The following ETFA variants were observed in gnomAD, a reference collection of about 807,000 sequenced individuals.
The protein encoded by ETFA is electron transfer flavoprotein subunit alpha.
Under a neutral mutation model 46.2 loss-of-function variants are expected in ETFA, and 22 were observed. The ratio of observed to expected loss-of-function variants is 0.48; its 90% CI spans 0.34 to 0.68. ETFA has a LOEUF of 0.68. ETFA is among the 30% of genes least tolerant of loss of function. The probability of loss-of-function intolerance (pLI) is 0.01; values close to 1 mark genes in which losing one functional copy is unlikely to be tolerated. For missense variants in ETFA, 345 were observed against 401.1 expected (o/e 0.86, Z 1.19); for synonymous variants, 131 against 139.9 (o/e 0.94, Z 0.45).
intron 8 of ETFA, among the ~76,000 whole-genome samples, chr15:76,275,521 A>G (rs1221889114): frequency 6.6e-6 from 1 of 152,192 alleles, no homozygotes; most frequent in East Asian, 1.9e-4. Context: ...TGTAGACACC[A>G]TATAGTTGGG....
At chr15:76,308,599 T>A (rs2039959562) in intron 1 of ETFA, among the ~76,000 whole-genome samples, 1 of 152,064 alleles carries the variant, frequency 6.6e-6, no homozygotes, top group Non-Finnish European at 1.5e-5. Flanking sequence ...TACACCAATG[T>A]CATCAAACCC....
At chr15:76,218,249 T>C (rs1212315717) in intron 11 of ETFA, among the ~76,000 whole-genome samples, 1 of 152,238 alleles carries the variant, frequency 6.6e-6, no homozygotes, top group Non-Finnish European at 1.5e-5. Context: ...CTGTCTTTTT[T>C]TATTAGATCA....
At position 76,268,251 on chromosome 15, in the gene ETFA, G is replaced by A. The variant is rs1392868894; in HGVS notation, c.816+6161C>T. On this transcript the variant is annotated intron_variant, in intron 9 of 11. Coordinates refer to ENST00000557943, the MANE Select transcript of ETFA (RefSeq NM_000126.4). ...TAGATTTACTAATGTAGGGGTGAGG[G>A]TATGTTTGTACTTTTGCAGGAGATG... 2.0e-5 allele frequency among the ~76,000 whole-genome samples: 3 copies of A among 151,636 alleles called. No homozygotes were observed. The East Asian group carries it at 5.8e-4, about 30-fold the overall frequency.
chr15:76,260,713 T>C, intron 9 of ETFA: 1 of 1,605,578 alleles, frequency 6.2e-7, no homozygotes, highest in African/African-American at 1.3e-5. Context: ...TCTGTGTGGA[T>C]GGCATGGAGG....
At chr15:76,227,774 C>T in intron 10 of ETFA, 1 of 455,360 alleles carries the variant, frequency 2.2e-6, no homozygotes, top group Non-Finnish European at 4.4e-6. Flanking sequence ...TTTGATGTAG[C>T]CTGACTTAAA....
chr15:76,224,735 C>T (rs1369615112), intron 11 of ETFA, among the ~76,000 whole-genome samples: 1 of 152,192 alleles, frequency 6.6e-6, no homozygotes, highest in African/African-American at 2.4e-5. Flanking sequence ...AAACCCACTT[C>T]TCCTAGGGTT....
At chr15:76,261,389 A>T (rs922387299) in intron 9 of ETFA, 1 of 1,312,288 alleles carries the variant, frequency 7.6e-7, no homozygotes, top group Non-Finnish European at 1.1e-6. Context: ...CGCTCCACTG[A>T]CTTCAGGCTG....
chr15:76,255,439 T>C (rs1041639461), intron 9 of ETFA, among the ~76,000 whole-genome samples: 6 of 152,252 alleles, frequency 3.9e-5, no homozygotes, highest in Non-Finnish European at 7.3e-5. Context: ...TAGAGAAGTA[T>C]AGTTGCTGAG....
At position 76,225,535 on chromosome 15, in the gene ETFA, C is replaced by T. The variant is rs554753081; in HGVS notation, c.963+314G>A. Among the ~76,000 whole-genome samples, 374 of 152,150 alleles carry T rather than the reference C, an allele frequency of 2.5e-3. 1 individual carries two copies. Among genetic ancestry groups the T allele is most frequent in the African/African-American group, 8.5e-3 (351 of 41,518 alleles). ...CGATCTCCTGACCTCATGATCCGCCCGCCTCCGCCTCCCAAAGTGCTGGGA... is the reference window on the plus strand; with the variant it reads ...CGATCTCCTGACCTCATGATCCGCCTGCCTCCGCCTCCCAAAGTGCTGGGA... On this transcript the variant is annotated intron_variant, in intron 11 of 11. Transcript: ENST00000557943.
At chr15:76,274,342 C>T (rs1237793907) in intron 9 of ETFA, 70 bp downstream of exon 9, 1 of 1,171,648 alleles carries the variant, frequency 8.5e-7, no homozygotes, top group South Asian at 1.3e-5. Context: ...ACTGAGATCA[C>T]TGTTCAACAA....
chr15:76,302,953 C>T (rs1010220631), intron 1 of ETFA, among the ~76,000 whole-genome samples: 1 of 152,144 alleles, frequency 6.6e-6, no homozygotes, highest in Non-Finnish European at 1.5e-5. Context: ...GTAGCTAGGA[C>T]TACAGATGTG....
At chr15:76,288,029 C>T in intron 4 of ETFA, 84 bp from the exon 5 acceptor site, 1 of 870,474 alleles carries the variant, frequency 1.1e-6, no homozygotes, top group South Asian at 1.4e-5. Flanking sequence ...ATTCTAAATG[C>T]ATATTCTGTA....
chr15:76,308,189 A>G (rs963748396), intron 1 of ETFA, among the ~76,000 whole-genome samples: 4 of 152,258 alleles, frequency 2.6e-5, no homozygotes, highest in African/African-American at 9.6e-5. Context: ...CGAAGGTATC[A>G]TGGAAATAGA....
At chr15:76,222,104 A>G (rs1375938382) in intron 11 of ETFA, among the ~76,000 whole-genome samples, 1 of 151,774 alleles carries the variant, frequency 6.6e-6, no homozygotes, top group Non-Finnish European at 1.5e-5. Context: ...AAGCCAAAAT[A>G]GGTAATGCTA....
chr15:76,297,137 A>G (rs1051745672), intron 1 of ETFA, among the ~76,000 whole-genome samples: 1 of 152,324 alleles, frequency 6.6e-6, no homozygotes, highest in East Asian at 1.9e-4. Context: ...ATTTACCCAG[A>G]GCTGGAAACT....
At chr15:76,311,092 G>A (rs1403039615) in intron 1 of ETFA, among the ~76,000 whole-genome samples, 1 of 152,204 alleles carries the variant, frequency 6.6e-6, no homozygotes, top group African/African-American at 2.4e-5. Context: ...TGGGCCAGAA[G>A]AAGGGGCAGC....
intron 1 of ETFA, among the ~76,000 whole-genome samples, chr15:76,301,422 C>T (rs1742114657): frequency 6.6e-6 from 1 of 152,180 alleles, no homozygotes; most frequent in Non-Finnish European, 1.5e-5. Context: ...TTAAAGAACT[C>T]TTCGTTGGCC....
At chr15:76,294,015 GAAT>G (rs2039794238) in intron 2 of ETFA, among the ~76,000 whole-genome samples, 3 of 152,306 alleles carry the variant, frequency 2.0e-5, no homozygotes, top group South Asian at 4.1e-4. Context: ...TTATACAGAA[GAAT>G]AACTTGCTGT....
chr15:76,272,837 T>G (rs1180551683), intron 9 of ETFA, among the ~76,000 whole-genome samples: 2 of 150,174 alleles, frequency 1.3e-5, no homozygotes, highest in African/African-American at 4.9e-5. Flanking sequence ...TATATGCGCA[T>G]GTGTGCTAGA....
Sources: gnomAD v4.1 joint callset for allele counts (sites outside exome capture counted in the v4.1 genomes callset) on GRCh38, gnomAD v4.1.1 for gene constraint, MANE v1.5 for transcripts, NCBI Gene and HGNC (gene_info 2026-07-23, HGNC 2026-07-21) for gene names.